Variants in GPC5 observed in about 807,000 individuals in gnomAD.
The protein encoded by GPC5 is glypican-5.
In GPC5, 47 loss-of-function variants were observed where a neutral mutation model predicts 53.9. That is an observed-to-expected ratio of 0.87 (90% CI 0.69 to 1.11). GPC5 has a LOEUF of 1.11. GPC5 is among the 50% of genes most tolerant of loss of function. The pLI, the probability that GPC5 is intolerant of heterozygous loss-of-function variation, is 0.00. For missense variants in GPC5, 748 were observed against 713.1 expected (o/e 1.05, Z -0.56); for synonymous variants, 286 against 263.3 (o/e 1.09, Z -0.84).
At chr13:92,075,066 AT>A (rs1191673529) in intron 6 of GPC5, among the ~76,000 whole-genome samples, 3 of 152,072 alleles carry the variant, frequency 2.0e-5, no homozygotes, top group Non-Finnish European at 4.4e-5. Context: ...CTGTTTTGAA[AT>A]TTTTTTCTTA....
At chr13:92,303,954 T>C (rs1408956513) in intron 7 of GPC5, among the ~76,000 whole-genome samples, 1 of 152,142 alleles carries the variant, frequency 6.6e-6, no homozygotes, top group Non-Finnish European at 1.5e-5. Context: ...AAAAATGCTA[T>C]TAGAAGACTC....
chr13:92,172,712 TAA>T (rs1258538912), intron 7 of GPC5, among the ~76,000 whole-genome samples: 1 of 152,126 alleles, frequency 6.6e-6, no homozygotes, highest in Non-Finnish European at 1.5e-5. Context: ...TCTCATTACT[TAA>T]AAGAGATACT....
intron 4 of GPC5, among the ~76,000 whole-genome samples, chr13:91,732,951 G>A (rs1417683757): frequency 3.9e-5 from 6 of 151,982 alleles, no homozygotes; most frequent in African/African-American, 1.2e-4. Flanking sequence ...GAGGTCAGGT[G>A]GTGTGATGCT....
At chr13:92,738,243 A>T (rs1423792019) in intron 7 of GPC5, among the ~76,000 whole-genome samples, 1 of 152,046 alleles carries the variant, frequency 6.6e-6, no homozygotes, top group Non-Finnish European at 1.5e-5. Context: ...ACTCCTACAC[A>T]TATATTATTA....
At chr13:91,845,880 C>T (rs1382981292) in intron 5 of GPC5, among the ~76,000 whole-genome samples, 1 of 152,028 alleles carries the variant, frequency 6.6e-6, no homozygotes, top group Non-Finnish European at 1.5e-5. Context: ...TTTAAATTAC[C>T]TAAGCTTTTG....
At chr13:91,475,584 G>T (rs1243712539) in intron 2 of GPC5, among the ~76,000 whole-genome samples, 2 of 152,118 alleles carry the variant, frequency 1.3e-5, no homozygotes, top group Non-Finnish European at 2.9e-5. Flanking sequence ...GGTTCATCTT[G>T]GCTTGGCTCT....
At chr13:91,602,257 T>C (rs2033204989) in intron 2 of GPC5, among the ~76,000 whole-genome samples, 1 of 152,236 alleles carries the variant, frequency 6.6e-6, no homozygotes, top group Admixed American at 6.5e-5. Context: ...TAATTTGTTA[T>C]AGCAGTCCTT....
At chr13:92,791,994 G>A (rs1876481857) in intron 7 of GPC5, among the ~76,000 whole-genome samples, 1 of 151,984 alleles carries the variant, frequency 6.6e-6, no homozygotes, top group Non-Finnish European at 1.5e-5. Flanking sequence ...ATTTGTGCAA[G>A]TGTTTGCAAA....
chr13:92,801,936 G>GT (rs1477881380), intron 7 of GPC5, among the ~76,000 whole-genome samples: 1 of 151,730 alleles, frequency 6.6e-6, no homozygotes, highest in African/African-American at 2.4e-5. Context: ...AAAAGTTAGA[G>GT]TAAGCTATGG....
intron 2 of GPC5, among the ~76,000 whole-genome samples, chr13:91,667,394 A>C (rs1458602030): frequency 6.6e-6 from 1 of 152,144 alleles, no homozygotes; most frequent in Non-Finnish European, 1.5e-5. Flanking sequence ...GATTCCTTTT[A>C]ATTTAAGCTA....
chr13:91,973,499 G>T (rs575032131), intron 6 of GPC5, among the ~76,000 whole-genome samples: 1 of 152,154 alleles, frequency 6.6e-6, no homozygotes, highest in African/African-American at 2.4e-5. Context: ...GCTTTGTTCC[G>T]TTGCTGGTGA....
chr13:92,405,266 C>G (rs1013962297), intron 7 of GPC5, among the ~76,000 whole-genome samples: 2 of 152,122 alleles, frequency 1.3e-5, no homozygotes, highest in African/African-American at 4.8e-5. Flanking sequence ...CTCGCTACGA[C>G]TGGGACAATG....
intron 7 of GPC5, among the ~76,000 whole-genome samples, chr13:92,826,578 A>G (rs1052502328): frequency 9.9e-5 from 15 of 152,150 alleles, no homozygotes; most frequent in Non-Finnish European, 1.8e-4. Flanking sequence ...ATGACAATAG[A>G]AAATTAGAAT....
chr13:91,789,204 G>C (rs556503433), intron 5 of GPC5, among the ~76,000 whole-genome samples: 1 of 147,596 alleles, frequency 6.8e-6, no homozygotes, highest in East Asian at 1.9e-4. Context: ...CAGAGCTAAA[G>C]TCCATCTCAA....
At chr13:92,067,892 T>C (rs1368979440) in intron 6 of GPC5, among the ~76,000 whole-genome samples, 1 of 152,006 alleles carries the variant, frequency 6.6e-6, no homozygotes, top group Non-Finnish European at 1.5e-5. Flanking sequence ...AGTAGTTAAT[T>C]TTAAGACAAG....
chr13:91,676,147 T>C (rs1472042844), intron 2 of GPC5, among the ~76,000 whole-genome samples: 1 of 152,188 alleles, frequency 6.6e-6, no homozygotes, highest in Non-Finnish European at 1.5e-5. Flanking sequence ...CTTGGCTCAC[T>C]GCAACCTCCA....
At chr13:91,863,366 G>T (rs2039050793) in intron 5 of GPC5, among the ~76,000 whole-genome samples, 1 of 152,046 alleles carries the variant, frequency 6.6e-6, no homozygotes, top group Non-Finnish European at 1.5e-5. Flanking sequence ...TCCTAAAGGG[G>T]AATAGGAATT....
chr13:92,819,113 A>G (rs1048270780), intron 7 of GPC5, among the ~76,000 whole-genome samples: 8 of 152,040 alleles, frequency 5.3e-5, no homozygotes, highest in Non-Finnish European at 1.0e-4. Flanking sequence ...CACCCTATGA[A>G]AAGTGATTCA....
At chr13:92,692,241 G>A (rs1887422078) in intron 7 of GPC5, among the ~76,000 whole-genome samples, 1 of 152,066 alleles carries the variant, frequency 6.6e-6, no homozygotes, top group South Asian at 2.1e-4. Flanking sequence ...ATTACATGGT[G>A]TACCTACACC....
Sources: allele counts gnomAD v4.1 joint callset (sites outside exome capture counted in the v4.1 genomes callset), GRCh38; gene constraint gnomAD v4.1.1; transcripts MANE v1.5; gene names NCBI Gene and HGNC (gene_info 2026-07-23, HGNC 2026-07-21).